The following FER1L6 variants were observed in gnomAD, a reference collection of about 807,000 sequenced individuals.
FER1L6 encodes the protein fer-1 like family member 6, also known as fer-1-like protein 6.
Under a neutral mutation model 219.2 loss-of-function variants are expected in FER1L6, and 177 were observed. That is an observed-to-expected ratio of 0.81 (90% CI 0.71 to 0.91). The LOEUF (loss-of-function observed/expected upper bound fraction) is 0.91, where lower values mean the gene tolerates loss of function less well. Among genes scored for constraint, FER1L6 ranks in the 40% least tolerant of loss-of-function variants. FER1L6 has a pLI of 0.00. For missense variants in FER1L6, 2,153 were observed against 2,259.9 expected, an observed-to-expected ratio of 0.95 and a Z score of 0.96; for synonymous variants, 768 against 824.3, an observed-to-expected ratio of 0.93 and a Z score of 1.17.
chr8:123,885,824 G>C (rs567235326), intron 1 of FER1L6, among the ~76,000 whole-genome samples: 7 of 152,276 alleles, frequency 4.6e-5, no homozygotes, highest in African/African-American at 1.7e-4. Flanking sequence ...TTCCCAGGAT[G>C]AGGTCTTAGC....
chr8:123,861,254 CTTGT>C (rs1288271753), intron 1 of FER1L6, among the ~76,000 whole-genome samples: 4 of 117,696 alleles, frequency 3.4e-5, no homozygotes, highest in African/African-American at 1.5e-4. Context: ...TTCCCCATTG[CTTGT>C]TTTTCTCAGG....
At chr8:124,078,924 G>A (rs983930190) in intron 32 of FER1L6, among the ~76,000 whole-genome samples, 3 of 152,300 alleles carry the variant, frequency 2.0e-5, no homozygotes, top group Admixed American at 2.0e-4. Context: ...CACAGTTTGG[G>A]ATACTGAAAG....
chr8:123,916,365 A>G (rs904408922), intron 1 of FER1L6, among the ~76,000 whole-genome samples: 6 of 152,188 alleles, frequency 3.9e-5, no homozygotes, highest in African/African-American at 2.4e-5. Context: ...CTGGCTCATG[A>G]CTAGCACTGA....
At chr8:124,093,899 C>G (rs945063550) in intron 34 of FER1L6, among the ~76,000 whole-genome samples, 1 of 149,268 alleles carries the variant, frequency 6.7e-6, no homozygotes, top group Non-Finnish European at 1.5e-5. Context: ...CACGATCACA[C>G]CCTGTAAAAT....
chr8:124,019,412 A>G (rs1220756830), intron 16 of FER1L6, among the ~76,000 whole-genome samples: 1 of 152,166 alleles, frequency 6.6e-6, no homozygotes, highest in East Asian at 1.9e-4. Context: ...ATGTGCATGT[A>G]TTGTTTTCAC....
intron 1 of FER1L6, among the ~76,000 whole-genome samples, chr8:123,928,025 T>C (rs1813630760): frequency 6.6e-6 from 1 of 152,236 alleles, no homozygotes; most frequent in South Asian, 2.1e-4. Flanking sequence ...AATTTCTTTA[T>C]CAGCAGGAAT....
chr8:124,118,341 G>T (rs541111635), intron 39 of FER1L6, among the ~76,000 whole-genome samples: 1 of 152,182 alleles, frequency 6.6e-6, no homozygotes, highest in Admixed American at 6.5e-5. Flanking sequence ...GGGAGGGAGT[G>T]CTATAATAAA....
At chr8:124,055,991 G>A (rs571627747) in intron 22 of FER1L6, among the ~76,000 whole-genome samples, 2 of 151,972 alleles carry the variant, frequency 1.3e-5, no homozygotes, top group Non-Finnish European at 2.9e-5. Context: ...CGAGCCTCCC[G>A]TCTACTTCCA....
intron 18 of FER1L6, among the ~76,000 whole-genome samples, chr8:124,031,405 A>G (rs1044056602): frequency 6.6e-6 from 1 of 152,130 alleles, no homozygotes; most frequent in Non-Finnish European, 1.5e-5. Context: ...ATCTAATGCT[A>G]GTGGACTGAG....
At chr8:124,064,286 C>A (rs1462227129) in intron 25 of FER1L6, 61 bp from the exon 26 acceptor site, 1 of 1,295,874 alleles carries the variant, frequency 7.7e-7, no homozygotes, top group Non-Finnish European at 1.1e-6. Context: ...AGTATTAGGT[C>A]CCTGAAACGA....
rs765894892 is a variant in FER1L6 at position 124,045,878 on chromosome 8, G to A, written c.2701G>A (p.Glu901Lys). The stretch of plus-strand genomic sequence containing the variant: ...AGAGTCCCCGCCCTTAGTGGTGGTG[G>A]AGCTGTATGACAGCGACGCTGTGGT... ...LAESPPLVVVELYDSDAVGKP... is the reference protein window; with the variant it reads ...LAESPPLVVVKLYDSDAVGKP... The change falls in exon 21 of 41, where the codon GAG (glutamate) becomes AAG (lysine). Residue 901 changes from glutamate to lysine, a missense_variant. Physicochemically the swap from Glu to Lys is moderately conservative, Grantham distance 56. Transcript: ENST00000522917. 1.5e-5 allele frequency: 24 copies of A among 1,613,854 alleles called. No individual in the cohort carries two copies. Among genetic ancestry groups the A allele is most frequent in the Non-Finnish European group, 2.0e-5 (24 of 1,180,010 alleles).
At chr8:123,969,863 T>C (rs1211771749) in intron 5 of FER1L6, among the ~76,000 whole-genome samples, 172 bp from the exon 6 acceptor site, 2 of 131,436 alleles carry the variant, frequency 1.5e-5, no homozygotes, top group Admixed American at 8.1e-5. Flanking sequence ...CAAAACCCTG[T>C]CTCCAAAAAA....
intron 32 of FER1L6, among the ~76,000 whole-genome samples, chr8:124,079,890 C>A (rs1821463819): frequency 6.6e-6 from 1 of 152,114 alleles, no homozygotes; most frequent in Non-Finnish European, 1.5e-5. Context: ...AAGAGTCATC[C>A]CTGTGAAACC....
rs180987837 is a variant in FER1L6, at chr8:123,992,503, T to C, written c.1519+6327T>C. Among the ~76,000 whole-genome samples, 25 of 152,302 alleles carry C rather than the reference T, an allele frequency of 1.6e-4. No individual in the cohort carries two copies. The East Asian group carries it at 4.4e-3, about 27-fold the overall frequency. ...TAGTTTGTGTGCATAGAAGTATTCATAGTAGTCTTGAATGATCTTTTGTAT... is the reference window on the plus strand; with the variant it reads ...TAGTTTGTGTGCATAGAAGTATTCACAGTAGTCTTGAATGATCTTTTGTAT... On this transcript the variant is annotated intron_variant, in intron 12 of 40. Coordinates refer to ENST00000522917, the MANE Select transcript of FER1L6 (RefSeq NM_001039112.2).
In FER1L6 at chr8:124,101,226, C is replaced by A; in HGVS notation, c.5013C>A (p.Val1671=). 1 of 1,613,856 alleles carries A rather than the reference C, an allele frequency of 6.2e-7. No homozygotes were observed. Among genetic ancestry groups the A allele is most frequent in the South Asian group, 1.1e-5 (1 of 91,032 alleles). The part of the protein sequence containing the change: ...FQYLPAEKQM[V]ITKRENIFSL... ...ATCTCCCAGCTGAGAAGCAAATGGTCATTACCAAGAGGGAGAACATCTTCT... is the reference window on the plus strand; with the variant it reads ...ATCTCCCAGCTGAGAAGCAAATGGTAATTACCAAGAGGGAGAACATCTTCT... The change falls in exon 38 of 41, where the codon GTC becomes GTA. Residue 1671 remains valine, a synonymous_variant. Transcript: ENST00000522917.
intron 1 of FER1L6, among the ~76,000 whole-genome samples, chr8:123,938,541 A>ATTTTT: frequency 1.1e-5 from 1 of 93,666 alleles, no homozygotes; most frequent in Non-Finnish European, 2.2e-5. Flanking sequence ...TTTACCTGAA[A>ATTTTT]TTTTTTTTTT....
intron 13 of FER1L6, among the ~76,000 whole-genome samples, chr8:124,009,671 C>T (rs1160370368): frequency 2.0e-5 from 3 of 151,938 alleles, no homozygotes; most frequent in African/African-American, 2.4e-5. Context: ...CTGGTGCTGC[C>T]TTTGAAGTCT....
intron 1 of FER1L6, among the ~76,000 whole-genome samples, chr8:123,947,334 G>T (rs1814546994): frequency 6.6e-6 from 1 of 152,088 alleles, no homozygotes; most frequent in Non-Finnish European, 1.5e-5. Flanking sequence ...GGAAACTGAG[G>T]CTGGGTGACA....
intron 25 of FER1L6, among the ~76,000 whole-genome samples, chr8:124,063,589 C>G (rs574282360): frequency 6.6e-6 from 1 of 152,312 alleles, no homozygotes; most frequent in African/African-American, 2.4e-5. Flanking sequence ...ACCAAGTTGT[C>G]ATACATCCCC....
Sources: allele counts gnomAD v4.1 joint callset (sites outside exome capture counted in the v4.1 genomes callset), GRCh38; gene constraint gnomAD v4.1.1; transcripts MANE v1.5; gene names NCBI Gene and HGNC (gene_info 2026-07-23, HGNC 2026-07-21).